Variants in NR1D2 observed in about 807,000 individuals in gnomAD.
The protein encoded by NR1D2 is V-erbA-related protein 1-related.
NR1D2 carries 25 observed loss-of-function variants against 52.2 expected under a neutral mutation model. The ratio of observed to expected loss-of-function variants is 0.48; its 90% CI spans 0.35 to 0.67. The LOEUF (loss-of-function observed/expected upper bound fraction) is 0.67. Ranked by LOEUF, NR1D2 falls within the 30% of genes least tolerant of loss-of-function variation. The pLI is 0.01. For missense variants in NR1D2, 681 were observed against 707.2 expected (o/e 0.96, Z 0.42); for synonymous variants, 259 against 230.1 (o/e 1.13, Z -1.14).
intron 7 of NR1D2, among the ~76,000 whole-genome samples, chr3:23,974,272 A>T (rs890503474): frequency 6.6e-6 from 1 of 151,984 alleles, no homozygotes; most frequent in Non-Finnish European, 1.5e-5. Context: ...AAATACTTAA[A>T]TCAGTAATAT....
chr3:23,976,601 A>C (rs1473785062), intron 7 of NR1D2, among the ~76,000 whole-genome samples: 1 of 152,266 alleles, frequency 6.6e-6, no homozygotes, highest in Non-Finnish European at 1.5e-5. Context: ...AGGGTGGCTC[A>C]CAGCATGGCA....
chr3:23,973,644 A>C (rs2125298554), intron 7 of NR1D2, among the ~76,000 whole-genome samples: 1 of 152,312 alleles, frequency 6.6e-6, no homozygotes, highest in East Asian at 1.9e-4. Context: ...CACGTACGGT[A>C]CACTAAATTT....
chr3:23,969,461 G>A (rs1559337376), intron 7 of NR1D2, among the ~76,000 whole-genome samples: 1 of 152,166 alleles, frequency 6.6e-6, no homozygotes, highest in African/African-American at 2.4e-5. Context: ...AGTATGAAAG[G>A]AATATGTCAA....
At chr3:23,961,599 T>C (rs1052702874) in intron 4 of NR1D2, among the ~76,000 whole-genome samples, 4 of 151,996 alleles carry the variant, frequency 2.6e-5, no homozygotes, top group African/African-American at 9.7e-5. Context: ...TTTCACCATA[T>C]TGGCTAGTCT....
At chr3:23,971,517 C>T (rs1200327011) in intron 7 of NR1D2, among the ~76,000 whole-genome samples, 1 of 151,940 alleles carries the variant, frequency 6.6e-6, no homozygotes, top group African/African-American at 2.4e-5. Flanking sequence ...GATCCACCCT[C>T]CTCGGCCTCC....
At chr3:23,946,492 C>T (rs1705717231) in intron 1 of NR1D2, 3 of 169,864 alleles carry the variant, frequency 1.8e-5, no homozygotes, top group Non-Finnish European at 3.6e-5. Flanking sequence ...TGTTAGGATG[C>T]CGTCTGTTTA....
At chr3:23,947,806 C>T (rs1033408315) in intron 1 of NR1D2, among the ~76,000 whole-genome samples, 12 of 152,120 alleles carry the variant, frequency 7.9e-5, no homozygotes, top group Non-Finnish European at 1.2e-4. Context: ...TATCAGTAAG[C>T]AGGAGGTCTA....
chr3:23,973,413 T>G (rs1242136840), intron 7 of NR1D2, among the ~76,000 whole-genome samples: 1 of 152,182 alleles, frequency 6.6e-6, no homozygotes, highest in Non-Finnish European at 1.5e-5. Flanking sequence ...GCAGGCAGTT[T>G]GTAACACAAT....
chr3:23,950,892 C>CTT (rs1163958387), intron 1 of NR1D2, among the ~76,000 whole-genome samples: 2,946 of 140,872 alleles, frequency 0.021, 118 homozygotes, highest in African/African-American at 0.066. Flanking sequence ...TTTCTTTTCT[C>CTT]TTTCTTTTTC....
intron 1 of NR1D2, among the ~76,000 whole-genome samples, chr3:23,948,159 A>G (rs1705819037): frequency 6.6e-6 from 1 of 151,996 alleles, no homozygotes; most frequent in African/African-American, 2.4e-5. Context: ...ATTTTTGTAA[A>G]CATTGACCAA....
chr3:23,959,497 T>C (rs1706180417), intron 3 of NR1D2, among the ~76,000 whole-genome samples, 174 bp from the exon 4 acceptor site: 1 of 152,102 alleles, frequency 6.6e-6, no homozygotes, highest in East Asian at 1.9e-4. Flanking sequence ...GAAATTAAAT[T>C]CTGTGTGTCA....
In NR1D2 at chr3:23,945,436, G is replaced by A. The variant is rs1705625888; in HGVS notation, c.-143G>A. The A allele has an allele frequency of 3.6e-6, 1 of 274,132 alleles. No individual in the cohort carries two copies. The highest frequency in any genetic ancestry group is 1.2e-4 in the East Asian group (1 of 8,026). 17.0% of individuals were successfully genotyped at this position (274,132 alleles called of 1,614,324 possible). A position where few individuals can be genotyped will look rare whatever the true frequency, so the allele number is the denominator to read the frequency against. On this transcript the variant is annotated 5_prime_UTR_variant, in exon 1 of 8. Coordinates refer to ENST00000312521, the MANE Select transcript of NR1D2 (RefSeq NM_005126.5). ...CTGTGCGCTGCACGGCCTGGGGCCC[G>A]GGAGCCCCGCCCGCTCTGCCCATGA...
intron 5 of NR1D2, among the ~76,000 whole-genome samples, chr3:23,963,916 GGT>G (rs1706365707): frequency 1.2e-5 from 1 of 85,798 alleles, no homozygotes; most frequent in African/African-American, 5.8e-5. Flanking sequence ...TCATCTTTTT[GGT>G]GTTTTTTTTT....
At chr3:23,963,281 A>G (rs73822608) in intron 5 of NR1D2, 1 of 1,351,788 alleles carries the variant, frequency 7.4e-7, no homozygotes, top group Non-Finnish European at 9.8e-7. Flanking sequence ...CACCATTTCC[A>G]GTTTAAACCA....
chr3:23,974,508 A>G (rs978001812), intron 7 of NR1D2, among the ~76,000 whole-genome samples: 5 of 152,184 alleles, frequency 3.3e-5, no homozygotes, highest in African/African-American at 1.2e-4. Context: ...CTCTGTCAGA[A>G]TGTAAGCTCC....
chr3:23,953,319 G>C (rs1164486934), intron 1 of NR1D2, among the ~76,000 whole-genome samples: 1 of 138,548 alleles, frequency 7.2e-6, no homozygotes, highest in Non-Finnish European at 1.5e-5. Context: ...CTCCGGCCTG[G>C]GTGACAGAGT....
At chr3:23,967,551 G>C (rs1328125910) in intron 6 of NR1D2, among the ~76,000 whole-genome samples, 1 of 152,164 alleles carries the variant, frequency 6.6e-6, no homozygotes, top group Non-Finnish European at 1.5e-5. Flanking sequence ...GGGAGGCGGA[G>C]GTTGCAGTGA....
intron 1 of NR1D2, chr3:23,946,447 C>A: frequency 3.6e-6 from 1 of 277,838 alleles, no homozygotes; most frequent in Non-Finnish European, 5.5e-6. Flanking sequence ...GCTTCGATCC[C>A]GAGCGACTCC....
rs151220318 is a variant in NR1D2 at position 23,963,208 on chromosome 3, A to T, written c.1146+603A>T. On this transcript the variant is annotated intron_variant, in intron 5 of 7. Transcript: ENST00000312521. ...CTTTTCTATTTTTCCATCAAATACG[A>T]CATTCTACATCAAAGTACAGTGTTC... The T allele has an allele frequency of 3.3e-5, 40 of 1,226,270 alleles. 1 individual carries two copies. In the East Asian group the frequency reaches 1.6e-3, roughly 51 times the overall value. The allele number at this position is 1,226,270 out of a possible 1,614,324, so 76.0% of individuals were successfully genotyped here.
Sources: gnomAD v4.1 joint callset for allele counts (sites outside exome capture counted in the v4.1 genomes callset) on GRCh38, gnomAD v4.1.1 for gene constraint, MANE v1.5 for transcripts, NCBI Gene and HGNC (gene_info 2026-07-23, HGNC 2026-07-21) for gene names.